ZNF407: variants seen among roughly 807,000 people sequenced by gnomAD.
ZNF407 encodes the protein zinc finger protein 407.
A neutral mutation model predicts 131.2 loss-of-function variants in ZNF407; 17 were observed. That is an observed-to-expected ratio of 0.13 (90% confidence interval 0.09 to 0.19). ZNF407 has a LOEUF of 0.19. ZNF407 is among the 10% of genes least tolerant of loss of function. The probability of loss-of-function intolerance (pLI) is 1.00; values close to 1 mark genes in which losing one functional copy is unlikely to be tolerated. For missense variants in ZNF407, 2,681 were observed against 2,830.6 expected (o/e 0.95, Z 1.20); for synonymous variants, 1,156 against 1,062.0 (o/e 1.09, Z -1.72).
chr18:74,897,247 A>G (rs1971464897), intron 7 of ZNF407, among the ~76,000 whole-genome samples: 1 of 152,256 alleles, frequency 6.6e-6, no homozygotes, highest in South Asian at 2.1e-4. Flanking sequence ...ATTCCATAGC[A>G]TTAAAAATTA....
rs377540624 is a variant in ZNF407, at chr18:74,630,987, G to A, written c.-33G>A. On this transcript the variant is annotated 5_prime_UTR_variant, in exon 2 of 9. Transcript: ENST00000299687. ...CACAGGTTATGAGTGCCAGTGAGCC[G>A]CCTTAGATAGAAGCATCGTCAGCAC... 5.9e-5 allele frequency: 93 copies of A among 1,569,342 alleles called. No individual in the cohort carries two copies. Among genetic ancestry groups the A allele is most frequent in the Middle Eastern group, 5.1e-4 (3 of 5,848 alleles).
At chr18:74,933,876 G>A (rs1240809657) in intron 8 of ZNF407, among the ~76,000 whole-genome samples, 1 of 152,116 alleles carries the variant, frequency 6.6e-6, no homozygotes, top group Non-Finnish European at 1.5e-5. Flanking sequence ...TTACAGACAT[G>A]TTTACACTTC....
In ZNF407 at chr18:75,053,847, G is replaced by A. The variant is rs145837594; in HGVS notation, c.5429-9303G>A. ...ATCCAAGGAAGGACTGAGGGCCATC[G>A]TCCCCTCACCTTCATGGCCCTGTGT... On this transcript the variant is annotated intron_variant, in intron 8 of 8. Coordinates refer to ENST00000299687, the MANE Select transcript of ZNF407 (RefSeq NM_017757.3). 2.6e-3 allele frequency among the ~76,000 whole-genome samples: 398 copies of A among 152,336 alleles called. 7 individuals are homozygous for A. The highest frequency in any genetic ancestry group is 8.5e-3 in the African/African-American group (355 of 41,582).
intron 3 of ZNF407, among the ~76,000 whole-genome samples, chr18:74,711,267 C>G (rs773618003): frequency 1.3e-5 from 2 of 152,288 alleles, no homozygotes; most frequent in East Asian, 3.9e-4. Flanking sequence ...TCCTCATCCC[C>G]GGCACCTGTG....
chr18:74,790,245 A>G (rs1056524716), intron 4 of ZNF407, among the ~76,000 whole-genome samples: 1 of 152,176 alleles, frequency 6.6e-6, no homozygotes, highest in South Asian at 2.1e-4. Context: ...TACTCTTATA[A>G]TCTTTACTAA....
At position 74,632,203 on chromosome 18, in the gene ZNF407, T is replaced by G. The variant is rs201998501; in HGVS notation, c.1184T>G (p.Leu395Trp). The change falls in exon 2 of 9, where the codon TTG becomes TGG. Residue 395 changes from leucine (L) to tryptophan (W), a missense_variant. Around this residue, in one of 6 missense-constraint regions of ZNF407, gnomAD observed 1,789 missense variants for 1,748.7 expected, o/e 1.02. Coordinates refer to ENST00000299687, the MANE Select transcript of ZNF407 (RefSeq NM_017757.3). ...ACCTCAGAGGGTCTCTTAGAGAAAT[T>G]GGAATCTACAAAAAATACCCTTCAG... is the stretch of plus-strand genomic sequence containing the variant. Reference protein sequence around the residue: ...LVTSEGLLEKLESTKNTLQAA... With the variant: ...LVTSEGLLEKWESTKNTLQAA... 1.5e-4 allele frequency: 246 copies of G among 1,613,882 alleles called. No individual in the cohort carries two copies. Among genetic ancestry groups the G allele is most frequent in the Non-Finnish European group, 2.0e-4 (232 of 1,179,872 alleles).
intron 6 of ZNF407, among the ~76,000 whole-genome samples, chr18:74,886,773 T>G (rs955754323): frequency 1.3e-5 from 2 of 152,122 alleles, no homozygotes; most frequent in African/African-American, 4.8e-5. Flanking sequence ...AAAAGGAGTC[T>G]TTTTGGGGGT....
At chr18:75,025,755 T>C (rs543133574) in intron 8 of ZNF407, among the ~76,000 whole-genome samples, 4 of 152,376 alleles carry the variant, frequency 2.6e-5, no homozygotes, top group African/African-American at 9.6e-5. Context: ...AGTATGATGA[T>C]ACAGATGCCT....
intron 3 of ZNF407, among the ~76,000 whole-genome samples, chr18:74,725,171 C>G (rs2076197321): frequency 6.6e-6 from 1 of 152,016 alleles, no homozygotes; most frequent in African/African-American, 2.4e-5. Flanking sequence ...AGTTTCACTC[C>G]TTCGCCCAGG....
At chr18:74,875,681 G>A (rs1267998683) in intron 4 of ZNF407, among the ~76,000 whole-genome samples, 1 of 152,084 alleles carries the variant, frequency 6.6e-6, no homozygotes, top group Non-Finnish European at 1.5e-5. Context: ...GCATATCCAA[G>A]TATTTAGTTA....
chr18:74,955,293 T>C (rs1262890901), intron 8 of ZNF407, among the ~76,000 whole-genome samples: 1 of 151,492 alleles, frequency 6.6e-6, no homozygotes, highest in Non-Finnish European at 1.5e-5. Context: ...TTGGAGAGAG[T>C]AGTTTAATTC....
chr18:74,633,360 G>C lies in ZNF407; in HGVS notation c.2341G>C (p.Gly781Arg). ...AGAATGTATTGAAAGGGTATGTATA[G>C]GTGCAAATGATAAAAAAGAAGAGTT... Reference protein sequence around the residue: ...FEECIERVCIGANDKKEEFDV... With the variant: ...FEECIERVCIRANDKKEEFDV... The change falls in exon 2 of 9, where the codon GGT becomes CGT. Residue 781 changes from glycine to arginine, a missense_variant. Coordinates refer to ENST00000299687, the MANE Select transcript of ZNF407 (RefSeq NM_017757.3). The C allele has an allele frequency of 1.2e-6, 2 of 1,613,874 alleles. No individual in the cohort carries two copies. Among genetic ancestry groups the C allele is most frequent in the Non-Finnish European group, 1.7e-6 (2 of 1,179,888 alleles).
At chr18:74,604,421 G>T (rs140077105) in intron 1 of ZNF407, among the ~76,000 whole-genome samples, 1 of 152,258 alleles carries the variant, frequency 6.6e-6, no homozygotes, top group East Asian at 1.9e-4. Context: ...GGCCACACTT[G>T]AACAGTCTGT....
At chr18:74,816,870 C>T (rs532326688) in intron 4 of ZNF407, among the ~76,000 whole-genome samples, 51 of 152,136 alleles carry the variant, frequency 3.4e-4, no homozygotes, top group Non-Finnish European at 3.4e-4. Context: ...GAATTATTTT[C>T]TATAGACCTT....
At chr18:74,934,981 T>C (rs1375929371) in intron 8 of ZNF407, among the ~76,000 whole-genome samples, 2 of 152,242 alleles carry the variant, frequency 1.3e-5, no homozygotes, top group Non-Finnish European at 2.9e-5. Context: ...ATTTTAATTA[T>C]GCCAGTAGAT....
intron 3 of ZNF407, among the ~76,000 whole-genome samples, chr18:74,777,629 C>A (rs1969500126): frequency 6.6e-6 from 1 of 152,138 alleles, no homozygotes; most frequent in African/African-American, 2.4e-5. Context: ...GCTCTGATTA[C>A]AAATATATAT....
Position 74,703,667 on chromosome 18 carries a change from A to G in ZNF407, c.4802+62545A>G, listed in dbSNP as rs1967553814. Among the ~76,000 whole-genome samples, 1 of 152,084 alleles carries G rather than the reference A, an allele frequency of 6.6e-6. No homozygotes were observed. Among genetic ancestry groups the G allele is most frequent in the Non-Finnish European group, 1.5e-5 (1 of 68,012 alleles). On this transcript the variant is annotated intron_variant, in intron 3 of 8. Transcript: ENST00000299687. The surrounding 1 kb of genome is among the most constrained non-coding windows in gnomAD (Gnocchi z 4.1). ...AGTTGTGAGCCACCGTGCCCAGCCT[A>G]GATCTCTTTTATGGGCTATGAGATT...
chr18:74,696,632 GTGTT>G (rs1396333182), intron 3 of ZNF407, among the ~76,000 whole-genome samples: 1 of 152,170 alleles, frequency 6.6e-6, no homozygotes, highest in Non-Finnish European at 1.5e-5. Flanking sequence ...GTGTGTGTGT[GTGTT>G]TGTGTGTTCA....
chr18:74,658,469 C>T (rs1031775142), intron 3 of ZNF407, among the ~76,000 whole-genome samples: 1 of 152,016 alleles, frequency 6.6e-6, no homozygotes, highest in African/African-American at 2.4e-5. Flanking sequence ...TTCCTAACTA[C>T]TATTTACATA....
Sources: gnomAD v4.1 joint callset for allele counts (sites outside exome capture counted in the v4.1 genomes callset) on GRCh38, gnomAD v4.1.1 for gene constraint, gnomAD v4.1.1 regional missense constraint, Gnocchi (gnomAD v3.1) non-coding constraint, MANE v1.5 for transcripts, NCBI Gene and HGNC (gene_info 2026-07-23, HGNC 2026-07-21) for gene names.